The following KIAA0586 variants were observed in gnomAD, a reference collection of about 807,000 sequenced individuals.
KIAA0586 encodes the protein KIAA0586.
A neutral mutation model predicts 169.8 loss-of-function variants in KIAA0586; 144 were observed. The ratio of observed to expected loss-of-function variants is 0.85; its 90% CI spans 0.74 to 0.97. The LOEUF (loss-of-function observed/expected upper bound fraction) is 0.97, where lower values mean the gene tolerates loss of function less well. Ranked by LOEUF, KIAA0586 falls within the 50% of genes least tolerant of loss-of-function variation. The pLI is 0.00. For synonymous variants in KIAA0586, 625 were observed against 612.4 expected (o/e 1.02, Z -0.30); for missense variants, 1,854 against 1,823.0 (o/e 1.02, Z -0.31).
At chr14:58,560,616 G>A in the KIAA0586 span, among the ~76,000 whole-genome samples, 6 of 152,116 alleles carry the variant, frequency 3.9e-5, no homozygotes, top group Admixed American at 1.3e-4. Flanking sequence ...CCTGAAAAAG[G>A]CCTTTTATTG....
chr14:58,561,706 T>G, the KIAA0586 span, among the ~76,000 whole-genome samples: 35 of 152,344 alleles, frequency 2.3e-4, 1 homozygote, highest in Admixed American at 6.5e-5. Context: ...AATGGATACT[T>G]TAAACTCAAA....
At chr14:58,498,686 G>A (rs1396142279) in intron 26 of KIAA0586, 97 bp from the exon 27 acceptor site, 2 of 995,138 alleles carry the variant, frequency 2.0e-6, no homozygotes, top group African/African-American at 1.7e-5. Flanking sequence ...TACCTTCCAA[G>A]GAGTCAAAGG....
intron 30 of KIAA0586, among the ~76,000 whole-genome samples, chr14:58,541,609 C>T (rs2046638001): frequency 6.6e-6 from 1 of 152,214 alleles, no homozygotes; most frequent in African/African-American, 2.4e-5. Flanking sequence ...CCATTCGTTA[C>T]ATAACTTATT....
intron 29 of KIAA0586, among the ~76,000 whole-genome samples, chr14:58,530,998 A>G (rs1159956986): frequency 6.6e-6 from 1 of 152,136 alleles, no homozygotes; most frequent in Non-Finnish European, 1.5e-5. Context: ...TTTACAAGAA[A>G]AAAACAACCC....
chr14:58,469,903 G>A (rs1236229300), intron 16 of KIAA0586, among the ~76,000 whole-genome samples: 1 of 152,084 alleles, frequency 6.6e-6, no homozygotes, highest in Non-Finnish European at 1.5e-5. Flanking sequence ...TTTTGGTGAG[G>A]GTTGGGTAAA....
intron 20 of KIAA0586, 79 bp from the exon 21 acceptor site, chr14:58,482,434 T>TAAG (rs1366949015): frequency 5.8e-5 from 56 of 963,422 alleles, no homozygotes; most frequent in Non-Finnish European, 7.7e-5. Context: ...TCGAGAAAAA[T>TAAG]AATAATAATA....
intron 29 of KIAA0586, among the ~76,000 whole-genome samples, chr14:58,522,854 G>A (rs1027314066): frequency 2.0e-5 from 3 of 152,090 alleles, no homozygotes; most frequent in African/African-American, 7.2e-5. Context: ...TTGTTTTTAT[G>A]TATATACATT....
At chr14:58,494,809 C>T (rs1279179099) in intron 26 of KIAA0586, among the ~76,000 whole-genome samples, 1 of 152,090 alleles carries the variant, frequency 6.6e-6, no homozygotes, top group African/African-American at 2.4e-5. Context: ...CTATAGTTGT[C>T]ACCATAGCTA....
At chr14:58,558,653 A>G in the KIAA0586 span, among the ~76,000 whole-genome samples, 3 of 152,264 alleles carry the variant, frequency 2.0e-5, no homozygotes, top group Admixed American at 2.0e-4. Context: ...GTGTTTACAC[A>G]CTGCCATAAA....
At chr14:58,536,643 A>AT (rs1372368635) in intron 29 of KIAA0586, among the ~76,000 whole-genome samples, 11 of 152,200 alleles carry the variant, frequency 7.2e-5, no homozygotes, top group Admixed American at 2.6e-4. Context: ...TAAGGGGGGT[A>AT]TTTGGAAAAG....
intron 29 of KIAA0586, among the ~76,000 whole-genome samples, chr14:58,523,776 C>G (rs1191140529): frequency 6.6e-6 from 1 of 150,554 alleles, no homozygotes; most frequent in Non-Finnish European, 1.5e-5. Context: ...ATTGCCTAGG[C>G]TGGTCTTGAG....
intron 16 of KIAA0586, 108 bp from the exon 17 acceptor site, chr14:58,470,505 T>G: frequency 2.2e-6 from 1 of 458,132 alleles, no homozygotes; most frequent in East Asian, 3.8e-5. Context: ...TGCTTTGTTT[T>G]TATGTATATG....
intron 4 of KIAA0586, chr14:58,440,202 T>A: frequency 4.4e-6 from 2 of 449,688 alleles, no homozygotes; most frequent in Non-Finnish European, 4.5e-6. Flanking sequence ...TTCTTAATAA[T>A]GTATTTTGTG....
intron 28 of KIAA0586, among the ~76,000 whole-genome samples, chr14:58,509,673 T>C (rs373156067): frequency 5.9e-5 from 9 of 152,190 alleles, no homozygotes; most frequent in African/African-American, 1.9e-4. Context: ...GGTTCAGTAT[T>C]ACCAATCTGT....
At chr14:58,446,911 T>C (rs2038948323) in intron 6 of KIAA0586, among the ~76,000 whole-genome samples, 1 of 152,166 alleles carries the variant, frequency 6.6e-6, no homozygotes, top group Non-Finnish European at 1.5e-5. Context: ...GAAAATATTT[T>C]CTGTTGTTCA....
At chr14:58,509,626 A>T (rs2044244258) in intron 28 of KIAA0586, among the ~76,000 whole-genome samples, 1 of 152,202 alleles carries the variant, frequency 6.6e-6, no homozygotes. Context: ...AAAAATACGT[A>T]AGATAAAGAT....
At chr14:58,542,787 T>C (rs1041272952) in intron 30 of KIAA0586, among the ~76,000 whole-genome samples, 4 of 152,146 alleles carry the variant, frequency 2.6e-5, no homozygotes, top group Admixed American at 1.3e-4. Flanking sequence ...TTGTGTGCTT[T>C]CTATGTTCCA....
chr14:58,521,205 GC>G (rs2045196328), intron 29 of KIAA0586: 1 of 858,256 alleles, frequency 1.2e-6, no homozygotes, highest in Admixed American at 2.3e-5. Context: ...TTTGTGAGAA[GC>G]CTCATCATCC....
At chr14:58,508,419 T>C in intron 27 of KIAA0586, 136 bp from the exon 28 acceptor site, 3 of 643,446 alleles carry the variant, frequency 4.7e-6, no homozygotes, top group Non-Finnish European at 7.8e-6. Flanking sequence ...TTGGTCCAGG[T>C]GTTTTTGTTT....
Sources: gnomAD v4.1 joint callset for allele counts (sites outside exome capture counted in the v4.1 genomes callset) on GRCh38, gnomAD v4.1.1 for gene constraint, MANE v1.5 for transcripts, NCBI Gene and HGNC (gene_info 2026-07-23, HGNC 2026-07-21) for gene names.